The following ALG10 variants were observed in gnomAD, a reference collection of about 807,000 sequenced individuals.
The protein encoded by ALG10 is ALG10 alpha-1,2-glucosyltransferase, also known as dol-P-Glc:Glc(2)Man(9)GlcNAc(2)-PP-Dol alpha-1,2-glucosyltransferase A.
A neutral mutation model predicts 39.2 loss-of-function variants in ALG10; 25 were observed. That is an observed-to-expected ratio of 0.64 (90% CI 0.46 to 0.89). ALG10 has a LOEUF of 0.89. ALG10 is among the 40% of genes least tolerant of loss of function. The pLI is 0.00. For missense variants in ALG10, 486 were observed against 546.6 expected, an observed-to-expected ratio of 0.89 and a Z score of 1.11; for synonymous variants, 184 against 193.9, an observed-to-expected ratio of 0.95 and a Z score of 0.42.
chr12:34,026,714 A>G lies in ALG10; in HGVS notation c.1221A>G (p.Ile407Met). 3.7e-6 allele frequency: 6 copies of G among 1,613,924 alleles called. No homozygotes were observed. Among genetic ancestry groups the G allele is most frequent in the Non-Finnish European group, 5.1e-6 (6 of 1,179,880 alleles). ...TTTTCATATGCTTGTTCACTGTTAT[A>G]GTTCCTCAGAAACTGCTGGAATTTC... Reference protein sequence around the residue: ...LMFFICLFTVIVPQKLLEFRY... With the variant: ...LMFFICLFTVMVPQKLLEFRY... Residue 407 changes from isoleucine to methionine, a missense_variant, in exon 3 of 3, where the codon ATA (isoleucine) becomes ATG (methionine). Ile to Met is a conservative substitution (Grantham distance 10). Transcript: ENST00000266483.
intron 2 of ALG10, 59 bp from the exon 3 acceptor site, chr12:34,025,804 G>T: frequency 6.3e-7 from 1 of 1,599,822 alleles, no homozygotes; most frequent in Non-Finnish European, 8.5e-7. Flanking sequence ...CATTAGGTAA[G>T]CAGAAATAGC....
chr12:34,027,281 A>G lies in ALG10; in HGVS notation c.*366A>G, dbSNP rs144361436. ...TTTATTCTCTTCAGAGAGAAATATT[A>G]GGTTAGTGCAAAAGTAATTGTGGTT... On this transcript the variant is annotated 3_prime_UTR_variant, in exon 3 of 3. Transcript: ENST00000266483. 3,081 of 157,812 alleles carry G rather than the reference A, an allele frequency of 0.02. 47 individuals carry two copies. The highest frequency in any genetic ancestry group is 0.045 in the Middle Eastern group (14 of 308). The allele number at this position is 157,812 out of a possible 1,614,324, so 9.8% of individuals were successfully genotyped here.
At position 34,027,063 on chromosome 12, in the gene ALG10, CAT is replaced by C. The variant is rs1463533413; in HGVS notation, c.*151_*152del. The C allele has an allele frequency of 1.3e-4, 102 of 810,468 alleles. No individual in the cohort carries two copies. The highest frequency in any genetic ancestry group is 4.0e-4 in the Middle Eastern group (1 of 2,474). 50.2% of individuals were successfully genotyped at this position (810,468 alleles called of 1,614,324 possible). A position where few individuals can be genotyped will look rare whatever the true frequency, so the allele number is the denominator to read the frequency against. Reference sequence around the variant, plus strand: ...TAGTTTTTTTTATATATATTTTAAACATATGTAAGAAATTAAGTGGCAAAGAA... The same window carrying C: ...TAGTTTTTTTTATATATATTTTAAACATGTAAGAAATTAAGTGGCAAAGAA... On this transcript the variant is annotated 3_prime_UTR_variant, in exon 3 of 3. Transcript: ENST00000266483.
In ALG10 at chr12:34,025,885, T is replaced by G; in HGVS notation, c.392T>G (p.Val131Gly). The change falls in exon 3 of 3, where the codon GTC becomes GGC. Residue 131 changes from valine (V) to glycine (G), a missense_variant. Physicochemically the swap from Val to Gly is moderately radical, Grantham distance 109 (BLOSUM62 -3). Coordinates refer to ENST00000266483, the MANE Select transcript of ALG10 (RefSeq NM_032834.4). The stretch of plus-strand genomic sequence containing the variant: ...AAGGCTGCCTCAAGTATCCAGAGAG[T>G]CTTGTCAACATTAACACTAGCAGTA... ...RNKAASSIQRVLSTLTLAVFP... is the reference protein window; with the variant it reads ...RNKAASSIQRGLSTLTLAVFP... 6.2e-7 allele frequency: 1 copy of G among 1,613,972 alleles called. No homozygotes were observed. The highest frequency in any genetic ancestry group is 8.5e-7 in the Non-Finnish European group (1 of 1,179,892).
chr12:34,023,516 T>C (rs1295358092), intron 1 of ALG10: 4 of 229,028 alleles, frequency 1.7e-5, no homozygotes, highest in African/African-American at 4.6e-5. Context: ...TAATCTTTAC[T>C]ATAGGGCATA....
At position 34,023,796 on chromosome 12, in the gene ALG10, A is replaced by G. The variant is rs1225532311; in HGVS notation, c.172-166A>G. The G allele has an allele frequency of 1.4e-5, 13 of 931,914 alleles. No homozygotes were observed. The East Asian group carries it at 2.9e-4, about 20-fold the overall frequency. 57.7% of individuals were successfully genotyped at this position (931,914 alleles called of 1,614,324 possible). A position where few individuals can be genotyped will look rare whatever the true frequency, so the allele number is the denominator to read the frequency against. On this transcript the variant is annotated intron_variant, in intron 1 of 2. Transcript: ENST00000266483. The stretch of plus-strand genomic sequence containing the variant: ...CACTAAGCTGGTCCGGGGGCAAAAA[A>G]TAAGAAAAACGAATCCTGTTCTGCC...
rs1942854118 is a variant in ALG10 at position 34,027,951 on chromosome 12, T to G, written c.*1036T>G. ...TGTTCACACGGCCTTTCCCTCTGTC[T>G]TCTCTTCATTACCTTTTAAGGACAG... is the stretch of plus-strand genomic sequence containing the variant. On this transcript the variant is annotated 3_prime_UTR_variant, in exon 3 of 3. Coordinates refer to ENST00000266483, the MANE Select transcript of ALG10 (RefSeq NM_032834.4). 6.6e-6 allele frequency: 1 copy of G among 152,234 alleles called. No individual in the cohort carries two copies. The highest frequency in any genetic ancestry group is 6.5e-5 in the Admixed American group (1 of 15,280). 9.4% of individuals were successfully genotyped at this position (152,234 alleles called of 1,614,324 possible).
At position 34,028,002 on chromosome 12, in the gene ALG10, G is replaced by A. The variant is rs1942854783; in HGVS notation, c.*1087G>A. ...TGTCTTTGAATGTAGGGCCCACCCT[G>A]ATCTAGGGTGATTGTGTCTGGAGAC... is the stretch of plus-strand genomic sequence containing the variant. On this transcript the variant is annotated 3_prime_UTR_variant, in exon 3 of 3. Transcript: ENST00000266483. 1 of 152,090 alleles carries A rather than the reference G, an allele frequency of 6.6e-6. No homozygotes were observed. The highest frequency in any genetic ancestry group is 1.5e-5 in the Non-Finnish European group (1 of 68,014). 9.4% of individuals were successfully genotyped at this position (152,090 alleles called of 1,614,324 possible).
intron 1 of ALG10, 87 bp from the exon 2 acceptor site, chr12:34,023,875 C>A (rs1175572904): frequency 2.0e-6 from 3 of 1,491,832 alleles, no homozygotes; most frequent in Non-Finnish European, 2.8e-6. Context: ...CTGATTGTTG[C>A]TGGAGATGAG....
intron 1 of ALG10, 183 bp from the exon 2 acceptor site, chr12:34,023,779 T>A (rs1942803717): frequency 4.2e-6 from 3 of 711,680 alleles, no homozygotes; most frequent in Non-Finnish European, 7.2e-6. Flanking sequence ...ATCACTAAGC[T>A]GGTCCGGGGG....
At position 34,024,043 on chromosome 12, in the gene ALG10, T is replaced by G; in HGVS notation, c.253T>G (p.Trp85Gly). 6.2e-7 allele frequency: 1 copy of G among 1,614,212 alleles called. No homozygotes were observed. The highest frequency in any genetic ancestry group is 1.3e-5 in the African/African-American group (1 of 75,072). ...CAAACCTGCCATTTGGATCTTTGGATGGTCTGAACATGTTGTCTGCTCCAT... is the reference window on the plus strand; with the variant it reads ...CAAACCTGCCATTTGGATCTTTGGAGGGTCTGAACATGTTGTCTGCTCCAT... ...VIKPAIWIFG[W>G]SEHVVCSIGM... The change falls in exon 2 of 3, where the codon TGG becomes GGG. Residue 85 changes from tryptophan (W) to glycine (G), a missense_variant. Coordinates refer to ENST00000266483, the MANE Select transcript of ALG10 (RefSeq NM_032834.4).
intron 1 of ALG10, chr12:34,023,682 C>T (rs1339192151): frequency 2.3e-6 from 1 of 430,550 alleles, no homozygotes; most frequent in Non-Finnish European, 4.3e-6. Flanking sequence ...GTTTATTTAT[C>T]AAAATAAAGG....
chr12:34,026,130 C>A lies in ALG10; in HGVS notation c.637C>A (p.Leu213Ile). 6.2e-7 allele frequency: 1 copy of A among 1,614,022 alleles called. No individual in the cohort carries two copies. Among genetic ancestry groups the A allele is most frequent in the South Asian group, 1.1e-5 (1 of 91,076 alleles). Reference sequence around the variant, plus strand: ...GTTAACGGAGGCTTGGAAAACTGAGCTACAAAAGAAGGAAGACAGACTTCC... The same window carrying A: ...GTTAACGGAGGCTTGGAAAACTGAGATACAAAAGAAGGAAGACAGACTTCC... ...QKLTEAWKTE[L>I]QKKEDRLPPI... Residue 213 changes from leucine to isoleucine, a missense_variant, in exon 3 of 3, where the codon CTA becomes ATA. Physicochemically the swap from Leu to Ile is conservative, Grantham distance 5 (BLOSUM62 2). Transcript: ENST00000266483.
upstream of ALG10, chr12:34,022,434 A>G: frequency 9.0e-7 from 1 of 1,108,446 alleles, no homozygotes; most frequent in Non-Finnish European, 1.3e-6. Flanking sequence ...CAGCGACCCG[A>G]TCTTTCCGGA....
rs1448641735 is a variant in ALG10 at position 34,027,502 on chromosome 12, C to T, written c.*587C>T. 1 of 152,510 alleles carries T rather than the reference C, an allele frequency of 6.6e-6. No homozygotes were observed. Among genetic ancestry groups the T allele is most frequent in the Non-Finnish European group, 1.5e-5 (1 of 67,996 alleles). 9.4% of individuals were successfully genotyped at this position (152,510 alleles called of 1,614,324 possible). A position where few individuals can be genotyped will look rare whatever the true frequency, so the allele number is the denominator to read the frequency against. On this transcript the variant is annotated 3_prime_UTR_variant, in exon 3 of 3. Coordinates refer to ENST00000266483, the MANE Select transcript of ALG10 (RefSeq NM_032834.4). ...ATGATAAAGTAGAGACTCATATATG[C>T]CTGTCTAGACATCAAATTGTTGGTT...
rs1302714113 is a variant in ALG10, at chr12:34,022,917, G to C, written c.171+147G>C. On this transcript the variant is annotated intron_variant, in intron 1 of 2. Transcript: ENST00000266483. ...AAACTGGGTATAGTCTTTTGTTCCTGTCTCTGAGATCTGTGAAATATTTAT... is the reference window on the plus strand; with the variant it reads ...AAACTGGGTATAGTCTTTTGTTCCTCTCTCTGAGATCTGTGAAATATTTAT... 5 of 1,066,246 alleles carry C rather than the reference G, an allele frequency of 4.7e-6. No individual in the cohort carries two copies. The African/African-American group carries it at 8.0e-5, about 17-fold the overall frequency. The allele number at this position is 1,066,246 out of a possible 1,614,324, so 66.0% of individuals were successfully genotyped here. A position where few individuals can be genotyped will look rare whatever the true frequency, so the allele number is the denominator to read the frequency against.
chr12:34,025,970 T>C lies in ALG10; in HGVS notation c.477T>C (p.Phe159=). 2 of 1,614,124 alleles carry C rather than the reference T, an allele frequency of 1.2e-6. No individual in the cohort carries two copies. Among genetic ancestry groups the C allele is most frequent in the South Asian group, 1.1e-5 (1 of 91,086 alleles). ...ATACAGAAGCAGGATCTATGTTTTT[T>C]ACTCTTTTTGCGTATTTGATGTGTC... The part of the protein sequence containing the change: ...LYYTEAGSMF[F]TLFAYLMCLY... Residue 159 remains phenylalanine (F), a synonymous_variant, in exon 3 of 3, where the codon TTT becomes TTC. Transcript: ENST00000266483.
intron 1 of ALG10, chr12:34,023,741 T>C: frequency 1.7e-6 from 1 of 574,062 alleles, no homozygotes; most frequent in Non-Finnish European, 3.1e-6. Context: ...TAAGTTGTTG[T>C]TGTTTATTGG....
In ALG10 at chr12:34,028,201, A is replaced by G. The variant is rs556533936; in HGVS notation, c.*1286A>G. ...TACCTTTTTAGATTTTTTTTATTATATATCAAATTATAGTTGTATATACTT... is the reference window on the plus strand; with the variant it reads ...TACCTTTTTAGATTTTTTTTATTATGTATCAAATTATAGTTGTATATACTT... On this transcript the variant is annotated 3_prime_UTR_variant, in exon 3 of 3. Transcript: ENST00000266483. The G allele has an allele frequency of 1.1e-4, 16 of 152,134 alleles. No homozygotes were observed. Among genetic ancestry groups the G allele is most frequent in the Non-Finnish European group, 2.2e-4 (15 of 68,018 alleles). 9.4% of individuals were successfully genotyped at this position (152,134 alleles called of 1,614,324 possible).
Sources: allele counts gnomAD v4.1 joint callset, GRCh38; gene constraint gnomAD v4.1.1; transcripts MANE v1.5; gene names NCBI Gene and HGNC (gene_info 2026-07-23, HGNC 2026-07-21).